AKR1C8: variants seen among roughly 807,000 people sequenced by gnomAD.
The protein encoded by AKR1C8 is aldo-keto reductase family 1 member C8.
chr10:5,164,304 A>C, the AKR1C8 span, among the ~76,000 whole-genome samples: 2 of 151,998 alleles, frequency 1.3e-5, no homozygotes, highest in Non-Finnish European at 2.9e-5. Flanking sequence ...CACAGATGAC[A>C]AACCATTCAG....
chr10:5,166,661 G>A, the AKR1C8 span, among the ~76,000 whole-genome samples: 12 of 152,136 alleles, frequency 7.9e-5, no homozygotes, highest in Non-Finnish European at 1.3e-4. Flanking sequence ...AGACTTAAAC[G>A]ATAGACCTAA....
chr10:5,148,078 T>C, the AKR1C8 span, among the ~76,000 whole-genome samples: 2 of 152,132 alleles, frequency 1.3e-5, no homozygotes, highest in African/African-American at 2.4e-5. Flanking sequence ...AGTAGCCAGG[T>C]GTGAGGCCTC....
chr10:5,166,074 G>C, the AKR1C8 span, among the ~76,000 whole-genome samples: 1 of 151,972 alleles, frequency 6.6e-6, no homozygotes, highest in Non-Finnish European at 1.5e-5. Flanking sequence ...AGAAGAAAGA[G>C]ACTAAGGGAC....
At chr10:5,127,221 T>A in the AKR1C8 span, among the ~76,000 whole-genome samples, 422 of 148,496 alleles carry the variant, frequency 2.8e-3, 1 homozygote, top group East Asian at 5.2e-3. Flanking sequence ...AATTTTTTTT[T>A]AAAAAAATTC....
At chr10:5,168,642 A>T in the AKR1C8 span, among the ~76,000 whole-genome samples, 2 of 152,148 alleles carry the variant, frequency 1.3e-5, no homozygotes, top group Non-Finnish European at 2.9e-5. Flanking sequence ...CCTAACTACT[A>T]CTGAGAAACA....
the AKR1C8 span, among the ~76,000 whole-genome samples, chr10:5,180,309 G>A: frequency 2.6e-5 from 4 of 152,314 alleles, no homozygotes; most frequent in African/African-American, 9.6e-5. Flanking sequence ...AACTGCGAAT[G>A]CTGCTGTCTG....
the AKR1C8 span, among the ~76,000 whole-genome samples, chr10:5,181,888 C>G: frequency 6.6e-6 from 1 of 152,040 alleles, no homozygotes; most frequent in Non-Finnish European, 1.5e-5. Flanking sequence ...AAGACTTTAA[C>G]AAACACTCTC....
At chr10:5,131,217 A>G in the AKR1C8 span, among the ~76,000 whole-genome samples, 1 of 152,128 alleles carries the variant, frequency 6.6e-6, no homozygotes, top group Non-Finnish European at 1.5e-5. Context: ...ACCTGAAACC[A>G]TAAAAATTCT....
the AKR1C8 span, among the ~76,000 whole-genome samples, chr10:5,137,420 C>A: frequency 5.9e-5 from 9 of 152,220 alleles, no homozygotes; most frequent in East Asian, 1.4e-3. Context: ...TTAGCTTCAT[C>A]CCTGGGATGC....
chr10:5,138,733 C>A, the AKR1C8 span, among the ~76,000 whole-genome samples: 2 of 151,110 alleles, frequency 1.3e-5, no homozygotes, highest in Non-Finnish European at 3.0e-5. Flanking sequence ...TCCCTCCATT[C>A]GGCGTCCCTG....
At chr10:5,175,252 T>G in the AKR1C8 span, among the ~76,000 whole-genome samples, 3 of 152,028 alleles carry the variant, frequency 2.0e-5, no homozygotes, top group African/African-American at 7.3e-5. Context: ...TGCGATAGTT[T>G]ACTGAGAATG....
At chr10:5,139,249 C>A in the AKR1C8 span, among the ~76,000 whole-genome samples, 1 of 152,118 alleles carries the variant, frequency 6.6e-6, no homozygotes, top group East Asian at 1.9e-4. Flanking sequence ...AGATTCAATG[C>A]CATCCCCATC....
chr10:5,117,941 A>G, the AKR1C8 span, among the ~76,000 whole-genome samples: 1 of 152,150 alleles, frequency 6.6e-6, no homozygotes, highest in Non-Finnish European at 1.5e-5. Context: ...AATTCAGCAT[A>G]TGGTTAGGAG....
At chr10:5,143,181 AC>A in the AKR1C8 span, among the ~76,000 whole-genome samples, 1 of 152,058 alleles carries the variant, frequency 6.6e-6, no homozygotes. Context: ...ATGGGAAACA[AC>A]CCTTCTATTA....
At chr10:5,168,231 T>C in the AKR1C8 span, among the ~76,000 whole-genome samples, 1 of 151,994 alleles carries the variant, frequency 6.6e-6, no homozygotes, top group Non-Finnish European at 1.5e-5. Context: ...GTAAGCATTA[T>C]AAAATTGACC....
the AKR1C8 span, among the ~76,000 whole-genome samples, chr10:5,134,266 T>C: frequency 2.0e-5 from 3 of 152,170 alleles, no homozygotes; most frequent in Admixed American, 2.0e-4. Flanking sequence ...TCATGCCAAT[T>C]TTCATTACAA....
chr10:5,176,833 C>G, the AKR1C8 span, among the ~76,000 whole-genome samples: 1 of 152,042 alleles, frequency 6.6e-6, no homozygotes. Context: ...GAGTTTGTAT[C>G]CTGAGACTTT....
At chr10:5,167,650 G>C in the AKR1C8 span, among the ~76,000 whole-genome samples, 1 of 152,092 alleles carries the variant, frequency 6.6e-6, no homozygotes, top group Non-Finnish European at 1.5e-5. Flanking sequence ...GAGTGGGGAG[G>C]GATAGCATTT....
At chr10:5,160,800 A>G in the AKR1C8 span, 1 of 471,114 alleles carries the variant, frequency 2.1e-6, no homozygotes, top group East Asian at 7.0e-5. Context: ...TGGTGTCTGC[A>G]GCAGAACATA....
Sources: gnomAD v4.1 joint callset for allele counts (sites outside exome capture counted in the v4.1 genomes callset) on GRCh38, gnomAD v4.1.1 for gene constraint, MANE v1.5 for transcripts, NCBI Gene and HGNC (gene_info 2026-07-23, HGNC 2026-07-21) for gene names.